Variants in WFDC11 observed in about 807,000 individuals in gnomAD.
WFDC11 encodes protein WFDC11.
In WFDC11, 9 loss-of-function variants were observed where a neutral mutation model predicts 9.9. The ratio of observed to expected loss-of-function variants is 0.91; its 90% CI spans 0.55 to 1.58. The LOEUF (loss-of-function observed/expected upper bound fraction) is 1.58, where lower values mean the gene tolerates loss of function less well. Ranked by LOEUF, WFDC11 falls within the 40% of genes most tolerant of loss-of-function variation. The pLI, the probability that WFDC11 is intolerant of heterozygous loss-of-function variation, is 0.00. For synonymous variants in WFDC11, 32 were observed against 33.3 expected (o/e 0.96, Z 0.13); for missense variants, 106 against 101.7 (o/e 1.04, Z -0.18).
intron 1 of WFDC11, among the ~76,000 whole-genome samples, chr20:45,667,412 T>C (rs1045042252): frequency 2.0e-5 from 3 of 152,182 alleles, no homozygotes; most frequent in African/African-American, 4.8e-5. Context: ...GTCTGGCTGA[T>C]TGTGGACACT....
intron 1 of WFDC11, among the ~76,000 whole-genome samples, 152 bp downstream of exon 1, chr20:45,670,026 A>C (rs1332890985): frequency 6.6e-6 from 1 of 152,114 alleles, no homozygotes; most frequent in East Asian, 1.9e-4. Flanking sequence ...ATCAGAGACT[A>C]TTACAAACAC....
At position 45,658,171 on chromosome 20, in the gene WFDC11, A is replaced by G. The variant is rs1446960411; in HGVS notation, c.-51-7520T>C. ...AATCTAGGCCATAAACATATCCATC[A>G]CCTCCAATAGTTTCCACTGGCCTTT... On this transcript the variant is annotated intron_variant, in intron 2 of 4. Coordinates refer to ENST00000324384, the MANE Select transcript of WFDC11 (RefSeq NM_147197.2). Among the ~76,000 whole-genome samples, 3 of 152,076 alleles carry G rather than the reference A, an allele frequency of 2.0e-5. No homozygotes were observed. In the East Asian group the frequency reaches 5.8e-4, roughly 29 times the overall value.
intron 2 of WFDC11, among the ~76,000 whole-genome samples, chr20:45,658,346 T>G (rs1053589085): frequency 6.6e-6 from 1 of 152,160 alleles, no homozygotes; most frequent in Non-Finnish European, 1.5e-5. Context: ...TAACTGAAAT[T>G]TTGTGCCCTT....
At chr20:45,653,910 G>A (rs1295707641) in intron 2 of WFDC11, among the ~76,000 whole-genome samples, 1 of 152,182 alleles carries the variant, frequency 6.6e-6, no homozygotes, top group Admixed American at 6.5e-5. Flanking sequence ...ACCCAAAACA[G>A]GAGCACCCAG....
At chr20:45,657,944 T>C (rs1600939284) in intron 2 of WFDC11, among the ~76,000 whole-genome samples, 4 of 152,194 alleles carry the variant, frequency 2.6e-5, no homozygotes, top group African/African-American at 9.6e-5. Flanking sequence ...TATCGATGTA[T>C]AATATTCTAT....
At chr20:45,659,645 T>A (rs571935795) in intron 2 of WFDC11, among the ~76,000 whole-genome samples, 1 of 152,374 alleles carries the variant, frequency 6.6e-6, no homozygotes, top group African/African-American at 2.4e-5. Flanking sequence ...TGCAACATTT[T>A]TCTCCGATTC....
At chr20:45,660,776 A>AT (rs1398439875) in intron 2 of WFDC11, among the ~76,000 whole-genome samples, 1 of 152,152 alleles carries the variant, frequency 6.6e-6, no homozygotes, top group East Asian at 1.9e-4. Context: ...ATAGTATTCC[A>AT]TGGTGTATAT....
intron 3 of WFDC11, among the ~76,000 whole-genome samples, 171 bp downstream of exon 3, chr20:45,650,330 C>T (rs1982778348): frequency 6.6e-6 from 1 of 151,908 alleles, no homozygotes; most frequent in South Asian, 2.1e-4. Context: ...ATTGAAGGAC[C>T]TCAGCTTAGG....
intron 2 of WFDC11, among the ~76,000 whole-genome samples, chr20:45,660,083 C>G (rs1403425333): frequency 6.6e-6 from 1 of 152,068 alleles, no homozygotes; most frequent in Non-Finnish European, 1.5e-5. Context: ...TCTTGTTTCT[C>G]TAGTCCCTTG....
In WFDC11 at chr20:45,650,448, C is replaced by G. The variant is rs899027444; in HGVS notation, c.100+53G>C. 4.8e-6 allele frequency: 7 copies of G among 1,472,720 alleles called. No homozygotes were observed. In the African/African-American group the frequency reaches 5.5e-5, roughly 12 times the overall value. The allele number at this position is 1,472,720 out of a possible 1,614,324, so 91.2% of individuals were successfully genotyped here. A position where few individuals can be genotyped will look rare whatever the true frequency, so the allele number is the denominator to read the frequency against. ...GGACAATGAAACCCCCTCCCTTGTTCAGAAACAAGCTCATCCCCCTCCTGT... is the reference window on the plus strand; with the variant it reads ...GGACAATGAAACCCCCTCCCTTGTTGAGAAACAAGCTCATCCCCCTCCTGT... On this transcript the variant is annotated intron_variant, in intron 3 of 4. Coordinates refer to ENST00000324384, the MANE Select transcript of WFDC11 (RefSeq NM_147197.2).
At chr20:45,667,705 T>C (rs887551605) in intron 1 of WFDC11, among the ~76,000 whole-genome samples, 1 of 152,194 alleles carries the variant, frequency 6.6e-6, no homozygotes, top group Non-Finnish European at 1.5e-5. Context: ...TCTAGGAAAG[T>C]CACTAATCAT....
At chr20:45,650,351 A>T (rs1161125775) in intron 3 of WFDC11, 150 bp downstream of exon 3, 1 of 623,726 alleles carries the variant, frequency 1.6e-6, no homozygotes, top group Admixed American at 2.9e-5. Flanking sequence ...GATTTCTTGA[A>T]TCTCTGTGCA....
At chr20:45,661,415 A>G (rs937737719) in intron 2 of WFDC11, among the ~76,000 whole-genome samples, 1 of 151,460 alleles carries the variant, frequency 6.6e-6, no homozygotes, top group African/African-American at 2.4e-5. Flanking sequence ...GAAGCTCTTT[A>G]GTTTAATTAG....
intron 2 of WFDC11, among the ~76,000 whole-genome samples, chr20:45,653,608 A>G (rs1982858444): frequency 6.6e-6 from 1 of 152,236 alleles, no homozygotes; most frequent in Non-Finnish European, 1.5e-5. Flanking sequence ...AATGGGCTAA[A>G]TGCTCCAATT....
intron 2 of WFDC11, among the ~76,000 whole-genome samples, chr20:45,663,273 C>T (rs1034289140): frequency 6.6e-6 from 1 of 152,082 alleles, no homozygotes; most frequent in Non-Finnish European, 1.5e-5. Flanking sequence ...GATAGCCCCC[C>T]TTTATCATTT....
At chr20:45,648,884 T>C in intron 4 of WFDC11, 145 bp from the exon 5 acceptor site, 1 of 916,634 alleles carries the variant, frequency 1.1e-6, no homozygotes. Context: ...CACTTCTGAG[T>C]AGGTGAGGTA....
intron 2 of WFDC11, among the ~76,000 whole-genome samples, chr20:45,654,884 A>G (rs1018139773): frequency 1.3e-5 from 2 of 152,252 alleles, no homozygotes; most frequent in Non-Finnish European, 1.5e-5. Flanking sequence ...TAAACCAGGA[A>G]GAAGTTGAAT....
In WFDC11 at chr20:45,664,706, AT is replaced by A. The variant is rs562568643; in HGVS notation, c.-52+2381del. 1.8e-3 allele frequency among the ~76,000 whole-genome samples: 270 copies of A among 152,262 alleles called. 1 individual carries two copies. Among genetic ancestry groups the A allele is most frequent in the African/African-American group, 6.2e-3 (258 of 41,536 alleles). ...AGTTTGGCTGGATATGAGATTCTGG[AT>A]TGAAAATTCTTTTCTTTAAGAATGT... is the stretch of plus-strand genomic sequence containing the variant. On this transcript the variant is annotated intron_variant, in intron 2 of 4. Transcript: ENST00000324384.
At chr20:45,656,279 C>A (rs1451629677) in intron 2 of WFDC11, among the ~76,000 whole-genome samples, 1 of 151,986 alleles carries the variant, frequency 6.6e-6, no homozygotes, top group Non-Finnish European at 1.5e-5. Context: ...AGAAATAACA[C>A]CACACATCTA....
Sources: gnomAD v4.1 joint callset for allele counts (sites outside exome capture counted in the v4.1 genomes callset) on GRCh38, gnomAD v4.1.1 for gene constraint, MANE v1.5 for transcripts, NCBI Gene and HGNC (gene_info 2026-07-23, HGNC 2026-07-21) for gene names.